Variants in PTPRN2 observed in about 807,000 individuals in gnomAD.
PTPRN2 encodes protein tyrosine phosphatase receptor type N2.
In PTPRN2, 74 loss-of-function variants were observed where a neutral mutation model predicts 118.8. The observed-to-expected ratio is 0.62, with a 90% confidence interval of 0.52 to 0.76. PTPRN2 has a LOEUF of 0.76. PTPRN2 is among the 30% of genes least tolerant of loss of function. PTPRN2 has a pLI of 0.00. For synonymous variants in PTPRN2, 641 were observed against 608.0 expected (o/e 1.05, Z -0.80); for missense variants, 1,481 against 1,394.4 (o/e 1.06, Z -0.99).
chr7:158,272,111 A>G (rs34823841), intron 3 of PTPRN2, among the ~76,000 whole-genome samples: 1,534 of 152,314 alleles, frequency 0.01, 8 homozygotes, highest in Non-Finnish European at 0.017. Flanking sequence ...CAACGTGAAA[A>G]TGATCACAGG....
At chr7:157,961,649 C>A (rs772009551) in intron 11 of PTPRN2, among the ~76,000 whole-genome samples, 14 of 152,254 alleles carry the variant, frequency 9.2e-5, no homozygotes, top group Non-Finnish European at 1.5e-5. Flanking sequence ...CATTTAATAA[C>A]GGTGTAATCT....
chr7:158,220,012 C>T (rs1828236338), intron 3 of PTPRN2, among the ~76,000 whole-genome samples: 2 of 152,146 alleles, frequency 1.3e-5, no homozygotes, highest in South Asian at 2.1e-4. Flanking sequence ...AGGAACTCCT[C>T]CCTAAATCAT....
rs1828239320 is a variant in PTPRN2 at position 158,574,869 on chromosome 7, T to C, written c.112+12689A>G. Among the ~76,000 whole-genome samples the C allele has an allele frequency of 6.6e-6, 1 of 152,220 alleles. No individual in the cohort carries two copies. The highest frequency in any genetic ancestry group is 2.1e-4 in the South Asian group (1 of 4,834). ...ACTGCAGGATGTCGAACAACGTCCCTGTCCGCCATCCACCTAGTCCCAGCA... is the reference window on the plus strand; with the variant it reads ...ACTGCAGGATGTCGAACAACGTCCCCGTCCGCCATCCACCTAGTCCCAGCA... On this transcript the variant is annotated intron_variant, in intron 1 of 22. Coordinates refer to ENST00000389418, the MANE Select transcript of PTPRN2 (RefSeq NM_002847.5). The surrounding 1 kb of genome is among the most constrained non-coding windows in gnomAD (Gnocchi z 4.6).
At chr7:158,131,713 G>C (rs1378036789) in intron 9 of PTPRN2, among the ~76,000 whole-genome samples, 1 of 64,458 alleles carries the variant, frequency 1.6e-5, no homozygotes, top group African/African-American at 8.4e-5. Context: ...AATATGCACA[G>C]ATACACACAC....
rs542914037 is a variant in PTPRN2, at chr7:158,563,095, G to A, written c.112+24463C>T. Among the ~76,000 whole-genome samples, 3 of 152,150 alleles carry A rather than the reference G, an allele frequency of 2.0e-5. No homozygotes were observed. Among genetic ancestry groups the A allele is most frequent in the Non-Finnish European group, 4.4e-5 (3 of 68,026 alleles). On this transcript the variant is annotated intron_variant, in intron 1 of 22. Transcript: ENST00000389418. This position sits in a 1 kb window ranked among gnomAD's most constrained non-coding sequence, Gnocchi z 5.1. ...CAGCCTCGTCCACATAGAGCCTCTC[G>A]AAGCCTTGCACGGACAAAGAAGGTA...
At chr7:158,512,157 A>G (rs1823227572) in intron 1 of PTPRN2, among the ~76,000 whole-genome samples, 1 of 152,242 alleles carries the variant, frequency 6.6e-6, no homozygotes, top group Non-Finnish European at 1.5e-5. Flanking sequence ...ACGGGGCAGG[A>G]GAAAAAGTGC....
chr7:157,634,650 G>A (rs1001112395), intron 14 of PTPRN2, among the ~76,000 whole-genome samples: 3 of 152,120 alleles, frequency 2.0e-5, no homozygotes, highest in East Asian at 1.9e-4. Context: ...CAGAGGGGCC[G>A]TACGACCTCT....
At chr7:158,276,791 C>T (rs957557564) in intron 3 of PTPRN2, among the ~76,000 whole-genome samples, 38 of 152,292 alleles carry the variant, frequency 2.5e-4, no homozygotes, top group African/African-American at 7.9e-4. Context: ...GGCCTGGGGA[C>T]GCTCAGCTGG....
intron 21 of PTPRN2, among the ~76,000 whole-genome samples, chr7:157,566,921 G>C (rs548581980): frequency 1.2e-4 from 18 of 152,328 alleles, no homozygotes; most frequent in Non-Finnish European, 2.2e-4. Flanking sequence ...GGATGGGCAG[G>C]TTCCATTGGA....
At chr7:157,781,276 A>G (rs550713949) in intron 12 of PTPRN2, among the ~76,000 whole-genome samples, 1 of 152,194 alleles carries the variant, frequency 6.6e-6, no homozygotes, top group Non-Finnish European at 1.5e-5. Context: ...CTCAAAGTGG[A>G]GGGTCTGCTA....
rs921613 is a variant in PTPRN2, at chr7:158,316,380, A to G, written c.277+439T>C. The stretch of plus-strand genomic sequence containing the variant: ...TGGTCCTACCATGTTGCCATATATA[A>G]TTTTTAAATTATCATAATTTTAAAA... On this transcript the variant is annotated intron_variant, in intron 3 of 22. Transcript: ENST00000389418. 8.5e-3 allele frequency among the ~76,000 whole-genome samples: 1,298 copies of G among 152,210 alleles called. 18 individuals carry two copies. Among genetic ancestry groups the G allele is most frequent in the African/African-American group, 0.03 (1,232 of 41,540 alleles).
At chr7:157,567,283 C>A (rs1192021533) in intron 21 of PTPRN2, among the ~76,000 whole-genome samples, 2 of 152,204 alleles carry the variant, frequency 1.3e-5, no homozygotes, top group Non-Finnish European at 2.9e-5. Flanking sequence ...TGAGTGTTTG[C>A]ATTTTGTTTT....
At chr7:158,156,812 A>G (rs901793339) in intron 6 of PTPRN2, among the ~76,000 whole-genome samples, 1 of 152,274 alleles carries the variant, frequency 6.6e-6, no homozygotes, top group Admixed American at 6.5e-5. Flanking sequence ...ACCAGCGTTC[A>G]GGTTGGAACT....
At chr7:158,260,588 A>C (rs150468100) in intron 3 of PTPRN2, among the ~76,000 whole-genome samples, 2 of 152,122 alleles carry the variant, frequency 1.3e-5, no homozygotes, top group East Asian at 1.9e-4. Flanking sequence ...AAAGCAAAAC[A>C]ACCATGACAT....
At chr7:158,341,544 ATCTGCAGACGTCACTCACAC>A (rs1806794205) in intron 2 of PTPRN2, among the ~76,000 whole-genome samples, 1 of 103,248 alleles carries the variant, frequency 9.7e-6, no homozygotes, top group Non-Finnish European at 2.0e-5. Context: ...AAGAGGTGAC[ATCTGCAGACGTCACTCACAC>A]CCACACTCTC....
chr7:158,333,096 G>A (rs367863882), intron 2 of PTPRN2, among the ~76,000 whole-genome samples: 27 of 80,736 alleles, frequency 3.3e-4, no homozygotes, highest in African/African-American at 1.2e-3. Context: ...TCACACCCAC[G>A]CTCTCACCAT....
intron 3 of PTPRN2, among the ~76,000 whole-genome samples, chr7:158,236,496 G>A (rs1002841713): frequency 6.6e-6 from 1 of 152,174 alleles, no homozygotes; most frequent in Admixed American, 6.5e-5. Flanking sequence ...CCCGAAGGTG[G>A]GGTCTGCCCT....
rs1168021895 is a variant in PTPRN2 at position 157,676,081 on chromosome 7, T to A, written c.2001+6644A>T. On this transcript the variant is annotated intron_variant, in intron 13 of 22. Coordinates refer to ENST00000389418, the MANE Select transcript of PTPRN2 (RefSeq NM_002847.5). This position sits in a 1 kb window ranked among gnomAD's most constrained non-coding sequence, Gnocchi z 5.6. ...GGAGCGCCACAGACTGCAGGGTTTG[T>A]CCTTGTCACGAACTCAAAGAGCTGA... Among the ~76,000 whole-genome samples the A allele has an allele frequency of 6.6e-6, 1 of 151,996 alleles. No homozygotes were observed. Among genetic ancestry groups the A allele is most frequent in the Non-Finnish European group, 1.5e-5 (1 of 67,980 alleles).
chr7:157,935,427 T>G (rs1020852008), intron 11 of PTPRN2, among the ~76,000 whole-genome samples: 1 of 152,204 alleles, frequency 6.6e-6, no homozygotes, highest in African/African-American at 2.4e-5. Flanking sequence ...GTAAAGCCCA[T>G]GCAGTGAATT....
Sources: allele counts gnomAD v4.1 joint callset (sites outside exome capture counted in the v4.1 genomes callset), GRCh38; gene constraint gnomAD v4.1.1; non-coding constraint Gnocchi (gnomAD v3.1); transcripts MANE v1.5; gene names NCBI Gene and HGNC (gene_info 2026-07-23, HGNC 2026-07-21).